The following LIPC variants were observed in gnomAD, a reference collection of about 807,000 sequenced individuals.
LIPC encodes lipase C, hepatic type.
LIPC carries 44 observed loss-of-function variants against 50.7 expected under a neutral mutation model. The ratio of observed to expected loss-of-function variants is 0.87; its 90% confidence interval spans 0.68 to 1.11. LIPC has a LOEUF of 1.11. Ranked by LOEUF, LIPC falls within the 50% of genes most tolerant of loss-of-function variation. The pLI, the probability that LIPC is intolerant of heterozygous loss-of-function variation, is 0.00. For synonymous variants in LIPC, 271 were observed against 256.4 expected, an observed-to-expected ratio of 1.06 and a Z score of -0.54; for missense variants, 697 against 648.2, an observed-to-expected ratio of 1.08 and a Z score of -0.82.
At chr15:58,567,838 C>G (rs1185985611) in intron 8 of LIPC, among the ~76,000 whole-genome samples, 1 of 152,130 alleles carries the variant, frequency 6.6e-6, no homozygotes, top group Non-Finnish European at 1.5e-5. Flanking sequence ...TAAACCAAAT[C>G]ATAAATGTAG....
chr15:58,538,608 C>A, intron 2 of LIPC, 91 bp downstream of exon 2: 2 of 1,260,178 alleles, frequency 1.6e-6, no homozygotes, highest in Non-Finnish European at 2.3e-6. Context: ...AGATAGGGAG[C>A]TGGTGATAAC....
chr15:58,446,922 C>T (rs145081998), intron 1 of LIPC, among the ~76,000 whole-genome samples: 2 of 152,078 alleles, frequency 1.3e-5, no homozygotes, highest in East Asian at 3.9e-4. Context: ...CAGAGGCAGG[C>T]AGATCACTTG....
intron 1 of LIPC, among the ~76,000 whole-genome samples, chr15:58,438,348 G>A (rs1399849407): frequency 6.6e-6 from 1 of 152,164 alleles, no homozygotes; most frequent in South Asian, 2.1e-4. Flanking sequence ...CGGGCTCCAC[G>A]TAGAACAGAG....
Position 58,563,727 on chromosome 15 carries a change from ACTG to A in LIPC, c.1388+8_1388+10del. 6.2e-7 allele frequency: 1 copy of A among 1,611,294 alleles called. No individual in the cohort carries two copies. On this transcript the variant is annotated splice_donor_5th_base_variant and intron_variant, in intron 8 of 8. Transcript: ENST00000299022. ...AAGCAGGAGAAACCCAGCAAAGGTGACTGCTGATTCAATCTCCTATTAACGTCC... is the reference window on the plus strand; with the variant it reads ...AAGCAGGAGAAACCCAGCAAAGGTGACTGATTCAATCTCCTATTAACGTCC...
intron 6 of LIPC, among the ~76,000 whole-genome samples, chr15:58,559,346 A>C (rs986102100): frequency 6.6e-6 from 1 of 152,232 alleles, no homozygotes; most frequent in Admixed American, 6.5e-5. Flanking sequence ...ACAAAAGTTT[A>C]TTAAGCACCT....
At chr15:58,452,909 C>G (rs1394757595) in intron 1 of LIPC, among the ~76,000 whole-genome samples, 1 of 152,224 alleles carries the variant, frequency 6.6e-6, no homozygotes, top group African/African-American at 2.4e-5. Context: ...CCATCTGCTG[C>G]TGGTGGCCTT....
intron 1 of LIPC, among the ~76,000 whole-genome samples, chr15:58,445,559 T>C (rs908779866): frequency 6.6e-6 from 1 of 152,176 alleles, no homozygotes; most frequent in Admixed American, 6.5e-5. Context: ...CTCCTCTTCA[T>C]GTCTGGGCTA....
At chr15:58,549,108 A>C (rs1030142263) in intron 6 of LIPC, among the ~76,000 whole-genome samples, 4 of 152,168 alleles carry the variant, frequency 2.6e-5, no homozygotes, top group Non-Finnish European at 5.9e-5. Context: ...ATTTTTAACC[A>C]CAGGGCAGAA....
intron 1 of LIPC, chr15:58,435,163 G>T (rs1280974916): frequency 6.6e-6 from 1 of 152,162 alleles, no homozygotes; most frequent in African/African-American, 2.4e-5. Context: ...AAAATAACTT[G>T]TATTTTCCAA....
At chr15:58,503,593 A>G (rs1216390713) in intron 1 of LIPC, among the ~76,000 whole-genome samples, 1 of 152,228 alleles carries the variant, frequency 6.6e-6, no homozygotes, top group Non-Finnish European at 1.5e-5. Flanking sequence ...TCTCAGCACC[A>G]GCACATCAAC....
chr15:58,553,501 G>C (rs1490628460), intron 6 of LIPC, among the ~76,000 whole-genome samples: 2 of 152,208 alleles, frequency 1.3e-5, no homozygotes, highest in African/African-American at 4.8e-5. Context: ...GAGACTGCAG[G>C]AGGGTTGCTT....
intron 1 of LIPC, among the ~76,000 whole-genome samples, chr15:58,537,842 G>A (rs1893185615): frequency 6.6e-6 from 1 of 151,984 alleles, no homozygotes; most frequent in Non-Finnish European, 1.5e-5. Flanking sequence ...GATATAATCT[G>A]TCTGCACGTG....
At chr15:58,534,683 C>G (rs540385781) in intron 1 of LIPC, among the ~76,000 whole-genome samples, 1 of 152,294 alleles carries the variant, frequency 6.6e-6, no homozygotes, top group South Asian at 2.1e-4. Context: ...TGCCTGGCCA[C>G]CAGGAATGCT....
rs117454061 is a variant in LIPC, at chr15:58,537,222, G to A, written c.89-1111G>A. ...CGCGCCACCTTGCCAGGCTCTACCA[G>A]GCCTCTTGGCAGAGGTGTCCGTCTC... On this transcript the variant is annotated intron_variant, in intron 1 of 8. Coordinates refer to ENST00000299022, the MANE Select transcript of LIPC (RefSeq NM_000236.3). Among the ~76,000 whole-genome samples the A allele has an allele frequency of 2.0e-3, 303 of 152,278 alleles. 3 individuals carry two copies. The highest frequency in any genetic ancestry group is 0.016 in the Admixed American group (249 of 15,298).
At chr15:58,454,742 G>T (rs968166097) in intron 1 of LIPC, 1 of 152,168 alleles carries the variant, frequency 6.6e-6, no homozygotes, top group East Asian at 1.9e-4. Flanking sequence ...CACGTGCAGC[G>T]CTCACCCCCA....
intron 5 of LIPC, among the ~76,000 whole-genome samples, chr15:58,546,845 C>T (rs1411105600): frequency 2.0e-5 from 3 of 152,084 alleles, no homozygotes; most frequent in Non-Finnish European, 4.4e-5. Context: ...CTTCACACTC[C>T]GCATCATCTC....
intron 8 of LIPC, among the ~76,000 whole-genome samples, chr15:58,564,236 A>C (rs1894279071): frequency 6.6e-6 from 1 of 151,996 alleles, no homozygotes; most frequent in Non-Finnish European, 1.5e-5. Context: ...ACACATTTGC[A>C]GAATTCCTGG....
chr15:58,499,703 C>T (rs1255002342), intron 1 of LIPC, among the ~76,000 whole-genome samples: 1 of 152,194 alleles, frequency 6.6e-6, no homozygotes, highest in Non-Finnish European at 1.5e-5. Flanking sequence ...CCCAGCTCTG[C>T]CTGTCCAGCC....
chr15:58,517,518 C>G (rs1892520904), intron 1 of LIPC, among the ~76,000 whole-genome samples: 1 of 152,338 alleles, frequency 6.6e-6, no homozygotes, highest in East Asian at 1.9e-4. Flanking sequence ...AAGAGAATTT[C>G]TAGACCACAA....
Sources: allele counts gnomAD v4.1 joint callset (sites outside exome capture counted in the v4.1 genomes callset), GRCh38; gene constraint gnomAD v4.1.1; transcripts MANE v1.5; gene names NCBI Gene and HGNC (gene_info 2026-07-23, HGNC 2026-07-21).